FAM120B: variants seen among roughly 807,000 people sequenced by gnomAD.
FAM120B encodes the protein family with sequence similarity 120 member B.
Under a neutral mutation model 96.3 loss-of-function variants are expected in FAM120B, and 83 were observed. The ratio of observed to expected loss-of-function variants is 0.86; its 90% confidence interval spans 0.72 to 1.03. The LOEUF is 1.03. Ranked by LOEUF, FAM120B falls within the 50% of genes least tolerant of loss-of-function variation. FAM120B has a pLI of 0.00. For synonymous variants in FAM120B, 407 were observed against 402.7 expected, an observed-to-expected ratio of 1.01 and a Z score of -0.13; for missense variants, 1,027 against 1,121.2, an observed-to-expected ratio of 0.92 and a Z score of 1.20.
rs367909529 is a variant in FAM120B, at chr6:170,370,855, C to T, written c.2283+12537C>T. On this transcript the variant is annotated intron_variant, in intron 6 of 10. Coordinates refer to ENST00000476287, the MANE Select transcript of FAM120B (RefSeq NM_032448.3). This position sits in a 1 kb window ranked among gnomAD's most constrained non-coding sequence, Gnocchi z 4.3. ...AGGATGGTTGTGCGTCTCTAACAGA[C>T]GGGAGATACTGCAGTAGAATTTGCA... Among the ~76,000 whole-genome samples, 4 of 152,158 alleles carry T rather than the reference C, an allele frequency of 2.6e-5. No homozygotes were observed. The South Asian group carries it at 6.2e-4, about 24-fold the overall frequency.
chr6:170,311,889 A>G (rs892380539), intron 1 of FAM120B, among the ~76,000 whole-genome samples: 1 of 152,246 alleles, frequency 6.6e-6, no homozygotes, highest in African/African-American at 2.4e-5. Context: ...ATATGTGCCT[A>G]TGCCGTGACT....
intron 1 of FAM120B, chr6:170,298,341 A>C (rs1210541165): frequency 6.6e-6 from 1 of 152,310 alleles, no homozygotes; most frequent in East Asian, 1.9e-4. Flanking sequence ...CTTTCAAATC[A>C]ACATATTTCC....
chr6:170,305,260 C>T (rs988318562), upstream of FAM120B, among the ~76,000 whole-genome samples: 1 of 152,144 alleles, frequency 6.6e-6, no homozygotes, highest in Non-Finnish European at 1.5e-5. Flanking sequence ...TTTATGTCCC[C>T]AACCACGATG....
chr6:170,400,024 G>C (rs1778464594), intron 9 of FAM120B, among the ~76,000 whole-genome samples: 2 of 146,996 alleles, frequency 1.4e-5, no homozygotes, highest in South Asian at 2.2e-4. Context: ...AGGAGTGAGT[G>C]GGGAAGGTAG....
chr6:170,304,035 TCTC>T (rs576205411), upstream of FAM120B, among the ~76,000 whole-genome samples: 1,226 of 152,326 alleles, frequency 8.0e-3, 6 homozygotes, highest in Non-Finnish European at 0.013. Context: ...GTACTTCCCT[TCTC>T]CTCTCTCCTA....
At chr6:170,364,576 A>G (rs1271284331) in intron 6 of FAM120B, among the ~76,000 whole-genome samples, 1 of 152,224 alleles carries the variant, frequency 6.6e-6, no homozygotes, top group African/African-American at 2.4e-5. Flanking sequence ...AGACAGGCAG[A>G]GTCTGTCTGG....
chr6:170,354,768 G>A (rs199876559), intron 5 of FAM120B, among the ~76,000 whole-genome samples: 13 of 146,986 alleles, frequency 8.8e-5, no homozygotes, highest in African/African-American at 1.2e-4. Flanking sequence ...CAAAAAAAAA[G>A]AAAAAAAAAA....
chr6:170,361,307 T>C (rs1157645959), intron 6 of FAM120B, among the ~76,000 whole-genome samples: 3 of 148,102 alleles, frequency 2.0e-5, no homozygotes, highest in Non-Finnish European at 4.5e-5. Context: ...CTGGATTATA[T>C]GTGTAAAGGT....
chr6:170,374,070 CA>C (rs1380767060), intron 6 of FAM120B, among the ~76,000 whole-genome samples: 3 of 152,172 alleles, frequency 2.0e-5, no homozygotes, highest in African/African-American at 7.2e-5. Flanking sequence ...AGAGTAGCAG[CA>C]AAAGAAAGCC....
chr6:170,357,636 T>C (rs138797632), intron 5 of FAM120B, among the ~76,000 whole-genome samples: 1 of 152,302 alleles, frequency 6.6e-6, no homozygotes, highest in Admixed American at 6.5e-5. Flanking sequence ...GGATATTCGC[T>C]CTCTGAAAAC....
At chr6:170,314,652 A>C (rs989926257) in intron 1 of FAM120B, among the ~76,000 whole-genome samples, 2 of 152,256 alleles carry the variant, frequency 1.3e-5, no homozygotes, top group African/African-American at 4.8e-5. Flanking sequence ...AAGCCTGCAT[A>C]TATGCTCTTA....
chr6:170,297,824 A>C (rs1480140846), intron 1 of FAM120B: 1 of 152,244 alleles, frequency 6.6e-6, no homozygotes, highest in Non-Finnish European at 1.5e-5. Flanking sequence ...CTTCCCAAGC[A>C]ACCCAGCACA....
chr6:170,360,221 G>C (rs1305092486), intron 6 of FAM120B, among the ~76,000 whole-genome samples: 2 of 152,220 alleles, frequency 1.3e-5, no homozygotes, highest in East Asian at 3.9e-4. Flanking sequence ...ATGGGGTCTT[G>C]AGCAGGTTCT....
intron 4 of FAM120B, among the ~76,000 whole-genome samples, chr6:170,341,976 T>C (rs543647182): frequency 1.3e-5 from 2 of 152,290 alleles, no homozygotes; most frequent in African/African-American, 4.8e-5. Flanking sequence ...ATTACGATCA[T>C]AGCCATGACA....
At chr6:170,395,234 G>T (rs1308179385) in intron 8 of FAM120B, among the ~76,000 whole-genome samples, 4 of 152,148 alleles carry the variant, frequency 2.6e-5, no homozygotes, top group Non-Finnish European at 5.9e-5. Context: ...GTCTTTGTTT[G>T]CAGAGTCCGA....
At chr6:170,310,710 G>A (rs1784539798) in intron 1 of FAM120B, among the ~76,000 whole-genome samples, 1 of 152,206 alleles carries the variant, frequency 6.6e-6, no homozygotes. Context: ...GACTAGAGGG[G>A]CTGCCATGGG....
chr6:170,377,730 ACGCC>A (rs1470455499), intron 6 of FAM120B, among the ~76,000 whole-genome samples: 136 of 143,070 alleles, frequency 9.5e-4, no homozygotes, highest in African/African-American at 2.5e-3. Flanking sequence ...CTAATCCCAG[ACGCC>A]TGGGAGAACA....
At chr6:170,290,886 C>A (rs1783847614), upstream of FAM120B, 2 of 687,372 alleles carry the variant, frequency 2.9e-6, no homozygotes, top group African/African-American at 3.5e-5. This position sits in a 1 kb window ranked among gnomAD's most constrained non-coding sequence, Gnocchi z 4.7. Context: ...CTGCGCTCTG[C>A]CCTCGGCCGG....
At chr6:170,335,052 T>G (rs1366065339) in intron 4 of FAM120B, among the ~76,000 whole-genome samples, 1 of 151,962 alleles carries the variant, frequency 6.6e-6, no homozygotes, top group Non-Finnish European at 1.5e-5. Flanking sequence ...TTTTGTTTTT[T>G]TTTTTAATGT....
Sources: gnomAD v4.1 joint callset for allele counts (sites outside exome capture counted in the v4.1 genomes callset) on GRCh38, gnomAD v4.1.1 for gene constraint, Gnocchi (gnomAD v3.1) non-coding constraint, MANE v1.5 for transcripts, NCBI Gene and HGNC (gene_info 2026-07-23, HGNC 2026-07-21) for gene names.